SMYD3: variants seen among roughly 807,000 people sequenced by gnomAD.
SMYD3 encodes the protein histone-lysine N-methyltransferase SMYD3.
Under a neutral mutation model 57.7 loss-of-function variants are expected in SMYD3, and 36 were observed. That is an observed-to-expected ratio of 0.62 (90% confidence interval 0.48 to 0.82). The LOEUF (loss-of-function observed/expected upper bound fraction) is 0.82, where lower values mean the gene tolerates loss of function less well. Among genes scored for constraint, SMYD3 ranks in the 40% least tolerant of loss-of-function variants. The pLI is 0.00. For missense variants in SMYD3, 515 were observed against 538.8 expected (o/e 0.96, Z 0.44); for synonymous variants, 211 against 195.0 (o/e 1.08, Z -0.68).
At chr1:246,286,823 T>C (rs1161432217) in intron 5 of SMYD3, among the ~76,000 whole-genome samples, 1 of 152,050 alleles carries the variant, frequency 6.6e-6, no homozygotes, top group Non-Finnish European at 1.5e-5. Context: ...AAAACTGTAG[T>C]GGTATATCTT....
At chr1:246,144,481 T>G (rs2061812133) in intron 5 of SMYD3, among the ~76,000 whole-genome samples, 1 of 152,174 alleles carries the variant, frequency 6.6e-6, no homozygotes, top group African/African-American at 2.4e-5. Context: ...AATAACAGAT[T>G]TCCCTATTTC....
chr1:246,215,766 T>C (rs2063154505), intron 5 of SMYD3, among the ~76,000 whole-genome samples: 1 of 152,056 alleles, frequency 6.6e-6, no homozygotes, highest in Non-Finnish European at 1.5e-5. Context: ...ACTTTCCTTT[T>C]TTAAAGGAAG....
At chr1:245,909,637 G>A (rs2148638323) in intron 8 of SMYD3, among the ~76,000 whole-genome samples, 1 of 151,822 alleles carries the variant, frequency 6.6e-6, no homozygotes, top group East Asian at 1.9e-4. Context: ...GTTCATCTCA[G>A]GGATGGAAGG....
chr1:245,838,376 C>T (rs1225394795), intron 10 of SMYD3, among the ~76,000 whole-genome samples: 1 of 152,164 alleles, frequency 6.6e-6, no homozygotes, highest in African/African-American at 2.4e-5. Flanking sequence ...CAGTTGGAAG[C>T]CACACCTTCA....
At chr1:246,077,535 T>TA (rs2060568245) in intron 5 of SMYD3, among the ~76,000 whole-genome samples, 5 of 122,932 alleles carry the variant, frequency 4.1e-5, no homozygotes, top group African/African-American at 4.5e-5. Context: ...AATTTAAAAT[T>TA]TAAAAAAAAG....
At chr1:246,130,480 T>C (rs1257569202) in intron 5 of SMYD3, among the ~76,000 whole-genome samples, 1 of 152,150 alleles carries the variant, frequency 6.6e-6, no homozygotes, top group East Asian at 1.9e-4. Flanking sequence ...CCTTTTAAAA[T>C]TAAAAACTGC....
At chr1:245,767,704 G>C (rs1228477752) in intron 10 of SMYD3, among the ~76,000 whole-genome samples, 5 of 152,216 alleles carry the variant, frequency 3.3e-5, no homozygotes, top group Non-Finnish European at 5.9e-5. Flanking sequence ...GAGGAGGGGA[G>C]TGGGAAGGGA....
chr1:245,997,332 G>C (rs1173669425), intron 5 of SMYD3, among the ~76,000 whole-genome samples: 1 of 152,232 alleles, frequency 6.6e-6, no homozygotes, highest in East Asian at 1.9e-4. Context: ...TGTGAAATCA[G>C]AAGTACGAGC....
intron 2 of SMYD3, among the ~76,000 whole-genome samples, chr1:246,354,406 T>C (rs1222428876): frequency 6.6e-6 from 1 of 152,148 alleles, no homozygotes; most frequent in Non-Finnish European, 1.5e-5. Flanking sequence ...CTTTCAACAA[T>C]CAATACAATA....
At chr1:246,468,938 T>G (rs765194385) in intron 1 of SMYD3, among the ~76,000 whole-genome samples, 2 of 152,306 alleles carry the variant, frequency 1.3e-5, no homozygotes, top group Non-Finnish European at 2.9e-5. Flanking sequence ...ATCATACCAC[T>G]GTACTCCAGC....
At chr1:246,303,146 T>C (rs952347128) in intron 5 of SMYD3, among the ~76,000 whole-genome samples, 8 of 152,152 alleles carry the variant, frequency 5.3e-5, no homozygotes, top group African/African-American at 1.9e-4. Flanking sequence ...TCTCCTACTT[T>C]GTTGTTCTGT....
At chr1:246,191,360 G>A (rs2062736277) in intron 5 of SMYD3, among the ~76,000 whole-genome samples, 1 of 152,114 alleles carries the variant, frequency 6.6e-6, no homozygotes, top group African/African-American at 2.4e-5. Context: ...TAGGCTGGTG[G>A]GTAAAAAAAT....
At chr1:246,395,330 T>TAG (rs1388752493) in intron 1 of SMYD3, among the ~76,000 whole-genome samples, 5 of 152,234 alleles carry the variant, frequency 3.3e-5, no homozygotes, top group Admixed American at 2.6e-4. Context: ...TTCAAATGTT[T>TAG]CAATGAAATG....
chr1:246,068,375 T>A (rs1933530), intron 5 of SMYD3, among the ~76,000 whole-genome samples: 3 of 151,794 alleles, frequency 2.0e-5, no homozygotes, highest in Admixed American at 6.5e-5. Flanking sequence ...CTATGCTTGC[T>A]TCAAATCTAT....
intron 7 of SMYD3, among the ~76,000 whole-genome samples, chr1:245,920,174 GT>G (rs2055787751): frequency 6.6e-6 from 1 of 152,054 alleles, no homozygotes; most frequent in South Asian, 2.1e-4. Flanking sequence ...TTAGCCAGGC[GT>G]GGTGGCGGGC....
At chr1:246,120,600 G>A (rs2061409772) in intron 5 of SMYD3, among the ~76,000 whole-genome samples, 1 of 152,124 alleles carries the variant, frequency 6.6e-6, no homozygotes, top group South Asian at 2.1e-4. Flanking sequence ...TGAGTTCAGG[G>A]AGTATGTTGT....
chr1:246,121,103 C>A (rs969229233), intron 5 of SMYD3, among the ~76,000 whole-genome samples: 3 of 152,158 alleles, frequency 2.0e-5, no homozygotes, highest in Non-Finnish European at 4.4e-5. Context: ...GACAGAACAT[C>A]ATGTTGTGTC....
At chr1:246,002,798 A>G (rs988481760) in intron 5 of SMYD3, among the ~76,000 whole-genome samples, 15 of 151,870 alleles carry the variant, frequency 9.9e-5, no homozygotes, top group African/African-American at 1.5e-4. Flanking sequence ...CACCCAGCCT[A>G]GAGTGCAGTG....
intron 10 of SMYD3, among the ~76,000 whole-genome samples, chr1:245,785,463 TCAC>T (rs2046996571): frequency 6.6e-6 from 1 of 152,134 alleles, no homozygotes; most frequent in African/African-American, 2.4e-5. Flanking sequence ...ACTGTGCCTT[TCAC>T]ATGCTGCCCG....
Sources: allele counts gnomAD v4.1 joint callset (sites outside exome capture counted in the v4.1 genomes callset), GRCh38; gene constraint gnomAD v4.1.1; transcripts MANE v1.5; gene names NCBI Gene and HGNC (gene_info 2026-07-23, HGNC 2026-07-21).